Variants in PNPLA3 observed in about 807,000 individuals in gnomAD.
PNPLA3 encodes the protein patatin like domain 3, 1-acylglycerol-3-phosphate O-acyltransferase, also known as 1-acylglycerol-3-phosphate O-acyltransferase PNPLA3.
A neutral mutation model predicts 43.1 loss-of-function variants in PNPLA3; 42 were observed. The ratio of observed to expected loss-of-function variants is 0.97; its 90% CI spans 0.76 to 1.26. The LOEUF is 1.26. Ranked by LOEUF, PNPLA3 falls within the 50% of genes most tolerant of loss-of-function variation. The probability of loss-of-function intolerance (pLI) is 0.00; values close to 1 mark genes in which losing one functional copy is unlikely to be tolerated. For synonymous variants in PNPLA3, 272 were observed against 253.6 expected (o/e 1.07, Z -0.69); for missense variants, 647 against 621.4 (o/e 1.04, Z -0.44).
In PNPLA3 at chr22:43,946,689, A is replaced by T; in HGVS notation, c.*307A>T. 2 of 569,050 alleles carry T rather than the reference A, an allele frequency of 3.5e-6. No homozygotes were observed. Among genetic ancestry groups the T allele is most frequent in the Non-Finnish European group, 6.8e-6 (2 of 293,584 alleles). 35.3% of individuals were successfully genotyped at this position (569,050 alleles called of 1,614,324 possible). A position where few individuals can be genotyped will look rare whatever the true frequency, so the allele number is the denominator to read the frequency against. ...CTATTAATGGTCAGACTGTTCCAGC[A>T]TGAGGTTCTTAGAATGACAGGTGTT... On this transcript the variant is annotated 3_prime_UTR_variant, in exon 9 of 9. Transcript: ENST00000216180.
chr22:43,937,343 A>G (rs1227330382), intron 6 of PNPLA3, 71 bp downstream of exon 6: 1 of 1,430,342 alleles, frequency 7.0e-7, no homozygotes, highest in Non-Finnish European at 9.6e-7. Flanking sequence ...GGAAGATGGT[A>G]CTGCCACATG....
Position 43,937,182 on chromosome 22 carries a change from G to A in PNPLA3, c.889G>A (p.Glu297Lys), listed in dbSNP as rs1390062967. ...GTCGGCTGCCTTGGCTGTGAGGCTG[G>A]AGGGAGATGAGCTGCTAGACCACCT... ...PESAALAVRL[E>K]GDELLDHLRL... Residue 297 changes from glutamate (E) to lysine (K), a missense_variant, in exon 6 of 9, where the codon GAG becomes AAG. Physicochemically the swap from Glu to Lys is moderately conservative, Grantham distance 56 (BLOSUM62 1). Coordinates refer to ENST00000216180, the MANE Select transcript of PNPLA3 (RefSeq NM_025225.3). The A allele has an allele frequency of 6.2e-7, 1 of 1,614,082 alleles. No individual in the cohort carries two copies. Among genetic ancestry groups the A allele is most frequent in the African/African-American group, 1.3e-5 (1 of 74,940 alleles).
chr22:43,936,053 G>A (rs1206249840), intron 5 of PNPLA3, among the ~76,000 whole-genome samples: 2 of 152,152 alleles, frequency 1.3e-5, no homozygotes, highest in East Asian at 1.9e-4. Flanking sequence ...AGACAGAAGA[G>A]CGCAGTCCCG....
rs1164165712 is a variant in PNPLA3, at chr22:43,939,990, CA to C, written c.980-2del. On this transcript the variant is annotated splice_acceptor_variant, in intron 6 of 8. Coordinates refer to ENST00000216180, the MANE Select transcript of PNPLA3 (RefSeq NM_025225.3). LOFTEE classifies it high-confidence loss of function. ...GATAATAGCTCCAAATTGTCTTTTT[CA>C]GCACTGAGTGAAGAAATGAAAGACA... 1.2e-6 allele frequency: 2 copies of C among 1,613,764 alleles called. No homozygotes were observed. The highest frequency in any genetic ancestry group is 3.3e-5 in the Admixed American group (2 of 60,004).
chr22:43,936,310 G>A (rs903530913), intron 5 of PNPLA3, among the ~76,000 whole-genome samples: 11 of 152,146 alleles, frequency 7.2e-5, no homozygotes, highest in Non-Finnish European at 1.5e-4. Context: ...GGTTATCTTG[G>A]GGGGCAAGGC....
chr22:43,933,067 T>A lies in PNPLA3; in HGVS notation c.676T>A (p.Phe226Ile). The A allele has an allele frequency of 6.2e-7, 1 of 1,613,750 alleles. No homozygotes were observed. Among genetic ancestry groups the A allele is most frequent in the Non-Finnish European group, 8.5e-7 (1 of 1,179,986 alleles). Residue 226 changes from phenylalanine (F) to isoleucine (I), a missense_variant, in exon 4 of 9, where the codon TTT becomes ATT. By Grantham distance (21) the Phe-to-Ile change is conservative. Transcript: ENST00000216180. ...TGNLYLLSRA[F>I]VPPDLKVLGE... ...GAACCTCTACCTTCTCTCGAGAGCT[T>A]TTGTCCCCCCGGATCTCAAGGTGAG... is the stretch of plus-strand genomic sequence containing the variant.
At position 43,946,330 on chromosome 22, in the gene PNPLA3, G is replaced by T; in HGVS notation, c.1394G>T (p.Gly465Val). Residue 465 changes from glycine (G) to valine (V), a missense_variant, in exon 9 of 9, where the codon GGT becomes GTT. Physicochemically the swap from Gly to Val is moderately radical, Grantham distance 109 (BLOSUM62 -3). Transcript: ENST00000216180. ...TTCTTGGGCAATAAAGTACCTGCTGGTGCTGAGGGGCTCTCCACCTTTCCC... is the reference window on the plus strand; with the variant it reads ...TTCTTGGGCAATAAAGTACCTGCTGTTGCTGAGGGGCTCTCCACCTTTCCC... ...NFFLGNKVPA[G>V]AEGLSTFPSF... 5.6e-6 allele frequency: 9 copies of T among 1,614,204 alleles called. No homozygotes were observed. The highest frequency in any genetic ancestry group is 7.6e-6 in the Non-Finnish European group (9 of 1,180,034).
Position 43,937,234 on chromosome 22 carries a change from A to G in PNPLA3, c.941A>G (p.Glu314Gly), listed in dbSNP as rs1375133629. ...HLRLSILPWD[E>G]SILDTLSPRL... is the part of the protein sequence containing the mutation. ...CGTCTCAGCATCCTGCCCTGGGATG[A>G]GAGCATCCTGGACACCCTCTCGCCC... The change falls in exon 6 of 9, where the codon GAG becomes GGG. Residue 314 changes from glutamate to glycine, a missense_variant. Glu to Gly is a moderately conservative substitution (Grantham distance 98). Transcript: ENST00000216180. 6.2e-7 allele frequency: 1 copy of G among 1,614,116 alleles called. No homozygotes were observed.
chr22:43,932,151 G>T (rs535333479), intron 3 of PNPLA3, among the ~76,000 whole-genome samples: 1 of 152,278 alleles, frequency 6.6e-6, no homozygotes, highest in Non-Finnish European at 1.5e-5. Context: ...ACAGATGCAG[G>T]CTCTGTCCAA....
At chr22:43,932,522 A>T (rs1603416338) in intron 3 of PNPLA3, among the ~76,000 whole-genome samples, 1 of 152,172 alleles carries the variant, frequency 6.6e-6, no homozygotes, top group Admixed American at 6.5e-5. Flanking sequence ...TTTAGTTCAT[A>T]TGACCCCCTT....
At chr22:43,929,006 C>G in intron 3 of PNPLA3, 117 bp downstream of exon 3, 1 of 1,056,554 alleles carries the variant, frequency 9.5e-7, no homozygotes, top group Non-Finnish European at 1.5e-6. Context: ...ATGGTGGAGC[C>G]CCATGCCTCA....
chr22:43,939,927 A>C, intron 6 of PNPLA3, 66 bp from the exon 7 acceptor site: 1 of 1,612,418 alleles, frequency 6.2e-7, no homozygotes, highest in Non-Finnish European at 8.5e-7. Context: ...GCTAAGCACC[A>C]ACAGAGTAAA....
intron 3 of PNPLA3, among the ~76,000 whole-genome samples, chr22:43,931,128 C>CA (rs1266569127): frequency 4.0e-5 from 6 of 150,498 alleles, no homozygotes; most frequent in Admixed American, 2.0e-4. Context: ...CTCCGTCTCA[C>CA]AAACAAAACA....
At chr22:43,930,067 G>A (rs1246431455) in intron 3 of PNPLA3, among the ~76,000 whole-genome samples, 2 of 152,172 alleles carry the variant, frequency 1.3e-5, no homozygotes, top group Admixed American at 1.3e-4. Context: ...CGGAACCTTT[G>A]ATGCAATCCT....
intron 6 of PNPLA3, among the ~76,000 whole-genome samples, 200 bp downstream of exon 6, chr22:43,937,472 T>C (rs1306090896): frequency 6.6e-6 from 1 of 152,150 alleles, no homozygotes; most frequent in Admixed American, 6.5e-5. Flanking sequence ...CCTGGAACCT[T>C]GCCAAGTCTC....
intron 5 of PNPLA3, among the ~76,000 whole-genome samples, chr22:43,935,607 T>C (rs956456295): frequency 1.4e-4 from 20 of 145,770 alleles, no homozygotes; most frequent in Admixed American, 9.8e-4. Context: ...TGGGGACCCA[T>C]GGATGCGAGG....
intron 7 of PNPLA3, among the ~76,000 whole-genome samples, chr22:43,942,152 C>A (rs1390234193): frequency 6.6e-6 from 1 of 152,288 alleles, no homozygotes; most frequent in South Asian, 2.1e-4. Context: ...GCCATTTGTC[C>A]CTGGACCACT....
In PNPLA3 at chr22:43,932,985, G is replaced by A. The variant is rs778354968; in HGVS notation, c.594G>A (p.Lys198=). Residue 198 remains lysine (K), a synonymous_variant, in exon 4 of 9, where the codon AAG becomes AAA. Coordinates refer to ENST00000216180, the MANE Select transcript of PNPLA3 (RefSeq NM_025225.3). ...YGEYDICPKV[K]STNFLHVDIT... The stretch of plus-strand genomic sequence containing the variant: ...AGTACGACATCTGCCCTAAAGTCAA[G>A]TCCACGAACTTTCTTCATGTGGACA... 6.2e-7 allele frequency: 1 copy of A among 1,614,128 alleles called. No homozygotes were observed.
At chr22:43,942,436 A>G (rs200493831) in intron 7 of PNPLA3, among the ~76,000 whole-genome samples, 2 of 152,082 alleles carry the variant, frequency 1.3e-5, no homozygotes, top group South Asian at 2.1e-4. Flanking sequence ...GTTGAAAATC[A>G]TTTCCTCTCA....
Sources: allele counts gnomAD v4.1 joint callset (sites outside exome capture counted in the v4.1 genomes callset), GRCh38; gene constraint gnomAD v4.1.1; transcripts MANE v1.5; gene names NCBI Gene and HGNC (gene_info 2026-07-23, HGNC 2026-07-21).